DOCK2: variants seen among roughly 807,000 people sequenced by gnomAD.
DOCK2 encodes dedicator of cytokinesis 2.
A neutral mutation model predicts 248.9 loss-of-function variants in DOCK2; 87 were observed. That is an observed-to-expected ratio of 0.35 (90% CI 0.29 to 0.42). The LOEUF (loss-of-function observed/expected upper bound fraction) is 0.42. DOCK2 is among the 10% of genes least tolerant of loss of function. The probability of loss-of-function intolerance (pLI) is 1.00; values close to 1 mark genes in which losing one functional copy is unlikely to be tolerated. For synonymous variants in DOCK2, 805 were observed against 821.6 expected (o/e 0.98, Z 0.35); for missense variants, 1,747 against 2,300.2 (o/e 0.76, Z 4.92).
At chr5:169,910,487 G>A (rs924810838) in intron 27 of DOCK2, among the ~76,000 whole-genome samples, 12 of 152,106 alleles carry the variant, frequency 7.9e-5, no homozygotes, top group South Asian at 2.1e-4. Flanking sequence ...GGTTGGAGGC[G>A]TGCTTACCTT....
intron 23 of DOCK2, among the ~76,000 whole-genome samples, chr5:169,755,266 A>G (rs1009134755): frequency 2.6e-5 from 4 of 152,164 alleles, no homozygotes. Flanking sequence ...TAAAAACCCT[A>G]TAATTCATAA....
chr5:169,742,100 G>C lies in DOCK2; in HGVS notation c.2268-5296G>C, dbSNP rs529207108. On this transcript the variant is annotated intron_variant, in intron 22 of 51. Transcript: ENST00000520908. ...CAAAGTGCTGGGATTACAGGTGTGA[G>C]CCACTGCGCCCAGCCCTTTTACTCA... 9.8e-5 allele frequency among the ~76,000 whole-genome samples: 15 copies of C among 152,296 alleles called. 1 individual carries two copies. In the South Asian group the frequency reaches 2.9e-3, roughly 29 times the overall value.
At chr5:169,673,075 A>G (rs1203110229) in intron 5 of DOCK2, among the ~76,000 whole-genome samples, 2 of 152,162 alleles carry the variant, frequency 1.3e-5, no homozygotes, top group Admixed American at 1.3e-4. Context: ...ATTATTGGCT[A>G]TTGGTGCTTG....
rs13358579 is a variant in DOCK2 at position 169,656,429 on chromosome 5, T to G, written c.127+1943T>G. On this transcript the variant is annotated intron_variant, in intron 2 of 51. Transcript: ENST00000520908. ...GCCTCCGCCTCCCAGATTCAACTGA[T>G]TCTTGCGCCTCAGCCTCATTCGTAG... Among the ~76,000 whole-genome samples, 675 of 152,218 alleles carry G rather than the reference T, an allele frequency of 4.4e-3. 15 individuals carry two copies. The highest frequency in any genetic ancestry group is 0.016 in the African/African-American group (646 of 41,534).
chr5:170,041,184 C>T, intron 37 of DOCK2, 39 bp downstream of exon 37: 3 of 1,507,000 alleles, frequency 2.0e-6, no homozygotes, highest in Non-Finnish European at 2.8e-6. Context: ...ATGCTGGGAT[C>T]CTGACAGGGC....
chr5:169,761,631 T>G lies in DOCK2; in HGVS notation c.2554+6T>G. 6.2e-7 allele frequency: 1 copy of G among 1,612,412 alleles called. No homozygotes were observed. The highest frequency in any genetic ancestry group is 1.3e-5 in the African/African-American group (1 of 74,990). The stretch of plus-strand genomic sequence containing the variant: ...CAACCTCTTTAAAAAGCAAGGTGAG[T>G]ACACAGCACCCTTGCTGGGGTGGGG... On this transcript the variant is annotated splice_donor_region_variant and intron_variant, in intron 25 of 51. Coordinates refer to ENST00000520908, the MANE Select transcript of DOCK2 (RefSeq NM_004946.3).
chr5:169,725,329 C>T (rs979983816), intron 22 of DOCK2, among the ~76,000 whole-genome samples: 1 of 152,126 alleles, frequency 6.6e-6, no homozygotes. Flanking sequence ...CAAACAGTGA[C>T]TTCTCTTTAT....
At chr5:169,862,165 G>A (rs1771243482) in intron 27 of DOCK2, among the ~76,000 whole-genome samples, 2 of 152,126 alleles carry the variant, frequency 1.3e-5, no homozygotes, top group African/African-American at 4.8e-5. Flanking sequence ...AATGTGGAAC[G>A]TGCTAAGAGT....
rs372629473 is a variant in DOCK2 at position 170,055,403 on chromosome 5, A to G, written c.4295+17A>G. The G allele has an allele frequency of 6.3e-5, 102 of 1,612,938 alleles. No homozygotes were observed. The highest frequency in any genetic ancestry group is 3.2e-4 in the Admixed American group (19 of 60,024). ...GATTATAAAGTAAGACTCGTTGTCC[A>G]CAGGGAAGAAGGATGGGGAAGAGAA... On this transcript the variant is annotated intron_variant, in intron 42 of 51. Coordinates refer to ENST00000520908, the MANE Select transcript of DOCK2 (RefSeq NM_004946.3).
chr5:169,643,823 G>T (rs530230246), intron 1 of DOCK2, among the ~76,000 whole-genome samples: 141 of 152,258 alleles, frequency 9.3e-4, no homozygotes, highest in Middle Eastern at 3.4e-3. Flanking sequence ...TCTGAATGGG[G>T]TAATAGGCAT....
chr5:169,730,942 C>T (rs1201745163), intron 22 of DOCK2, among the ~76,000 whole-genome samples: 1 of 152,048 alleles, frequency 6.6e-6, no homozygotes, highest in Non-Finnish European at 1.5e-5. Flanking sequence ...AGTACAGTGG[C>T]ATGATCACAG....
intron 9 of DOCK2, among the ~76,000 whole-genome samples, chr5:169,692,372 G>A (rs1032634086): frequency 6.6e-6 from 1 of 152,170 alleles, no homozygotes; most frequent in African/African-American, 2.4e-5. Context: ...GTTTTGTAAG[G>A]CCGAAGCAGA....
intron 33 of DOCK2, among the ~76,000 whole-genome samples, chr5:170,022,626 T>C (rs1222707607): frequency 2.0e-5 from 3 of 152,158 alleles, no homozygotes; most frequent in Non-Finnish European, 2.9e-5. Flanking sequence ...GTGGACCCCA[T>C]TGTGGCCGGC....
intron 25 of DOCK2, among the ~76,000 whole-genome samples, chr5:169,793,769 G>C (rs926022444): frequency 1.3e-5 from 2 of 152,116 alleles, no homozygotes; most frequent in African/African-American, 4.8e-5. Context: ...TTAAACCCCT[G>C]TTTCCTGCAA....
intron 1 of DOCK2, among the ~76,000 whole-genome samples, chr5:169,639,633 G>A (rs1757042055): frequency 6.6e-6 from 1 of 152,310 alleles, no homozygotes; most frequent in East Asian, 1.9e-4. Flanking sequence ...GGAAAAAGAA[G>A]GTCATGGCTT....
intron 25 of DOCK2, among the ~76,000 whole-genome samples, chr5:169,782,702 G>A (rs1366031671): frequency 1.3e-5 from 2 of 152,068 alleles, no homozygotes; most frequent in Non-Finnish European, 2.9e-5. Context: ...AACTGCATTC[G>A]AGGTTTGCTT....
chr5:169,865,277 G>A (rs566078030), intron 27 of DOCK2, among the ~76,000 whole-genome samples: 76 of 152,328 alleles, frequency 5.0e-4, no homozygotes, highest in Middle Eastern at 3.4e-3. Flanking sequence ...ACATTGAGGA[G>A]GTAAAAGTGA....
intron 25 of DOCK2, 87 bp downstream of exon 25, chr5:169,761,712 C>A: frequency 9.5e-7 from 1 of 1,055,750 alleles, no homozygotes. Context: ...AGAGGGCAAC[C>A]TGTCCAGTGA....
At chr5:169,995,396 T>C (rs1471961781) in intron 29 of DOCK2, among the ~76,000 whole-genome samples, 3 of 152,060 alleles carry the variant, frequency 2.0e-5, no homozygotes. Flanking sequence ...GTATTTGATA[T>C]ACACAGAAGA....
Sources: allele counts gnomAD v4.1 joint callset (sites outside exome capture counted in the v4.1 genomes callset), GRCh38; gene constraint gnomAD v4.1.1; transcripts MANE v1.5; gene names NCBI Gene and HGNC (gene_info 2026-07-23, HGNC 2026-07-21).